The following AQR variants were observed in gnomAD, a reference collection of about 807,000 sequenced individuals.
The protein encoded by AQR is aquarius intron-binding spliceosomal factor.
A neutral mutation model predicts 180.5 loss-of-function variants in AQR; 61 were observed. The ratio of observed to expected loss-of-function variants is 0.34; its 90% CI spans 0.28 to 0.42. AQR has a LOEUF of 0.42. Ranked by LOEUF, AQR falls within the 10% of genes least tolerant of loss-of-function variation. AQR has a pLI of 1.00. For synonymous variants in AQR, 551 were observed against 588.8 expected, an observed-to-expected ratio of 0.94 and a Z score of 0.93; for missense variants, 1,281 against 1,798.3, an observed-to-expected ratio of 0.71 and a Z score of 5.20.
intron 17 of AQR, among the ~76,000 whole-genome samples, chr15:34,907,241 A>T (rs1158626737): frequency 6.6e-6 from 1 of 152,238 alleles, no homozygotes; most frequent in Non-Finnish European, 1.5e-5. Context: ...GGCTGAATAT[A>T]TACAGTTTCA....
intron 25 of AQR, among the ~76,000 whole-genome samples, chr15:34,886,151 T>G (rs1164028150): frequency 6.6e-6 from 1 of 152,188 alleles, no homozygotes; most frequent in East Asian, 1.9e-4. Flanking sequence ...TTTCCTTCAT[T>G]AGTTGATTAA....
chr15:34,956,478 C>T (rs912833848), intron 3 of AQR, among the ~76,000 whole-genome samples: 3 of 152,008 alleles, frequency 2.0e-5, no homozygotes, highest in Admixed American at 2.0e-4. Flanking sequence ...TGGTGAAACA[C>T]TTTCTCTACT....
intron 13 of AQR, among the ~76,000 whole-genome samples, chr15:34,924,998 C>T (rs1350574103): frequency 2.0e-5 from 3 of 149,772 alleles, no homozygotes; most frequent in African/African-American, 7.3e-5. Flanking sequence ...AGAAGGACTT[C>T]TACATAAAGC....
At chr15:34,911,056 T>C (rs1172701950) in intron 16 of AQR, among the ~76,000 whole-genome samples, 1 of 152,240 alleles carries the variant, frequency 6.6e-6, no homozygotes, top group African/African-American at 2.4e-5. Context: ...TCTGGCTTAA[T>C]ACATTTAGCA....
At chr15:34,880,795 T>C (rs1189950801) in intron 27 of AQR, among the ~76,000 whole-genome samples, 1 of 152,086 alleles carries the variant, frequency 6.6e-6, no homozygotes, top group Non-Finnish European at 1.5e-5. Flanking sequence ...ATGCCTAAAA[T>C]GGAAATTTAC....
At chr15:34,892,607 C>G (rs73391762) in intron 23 of AQR, among the ~76,000 whole-genome samples, 5,154 of 152,234 alleles carry the variant, frequency 0.034, 320 homozygotes, top group African/African-American at 0.12. Flanking sequence ...GCAGATACTC[C>G]TCAACTTACA....
At chr15:34,928,105 G>A (rs1893792448) in intron 12 of AQR, among the ~76,000 whole-genome samples, 1 of 152,116 alleles carries the variant, frequency 6.6e-6, no homozygotes, top group Non-Finnish European at 1.5e-5. Flanking sequence ...AAAAAAGCAG[G>A]AAAAGACATC....
chr15:34,865,841 T>C (rs1004426373), intron 32 of AQR, among the ~76,000 whole-genome samples: 4 of 152,132 alleles, frequency 2.6e-5, no homozygotes, highest in Admixed American at 1.3e-4. Context: ...ATATTAAGTG[T>C]CCAAAATAGG....
At chr15:34,933,840 G>A (rs1039854608) in intron 10 of AQR, among the ~76,000 whole-genome samples, 4 of 152,160 alleles carry the variant, frequency 2.6e-5, no homozygotes, top group South Asian at 2.1e-4. Flanking sequence ...GACCAGGCAC[G>A]GTGGCTCACG....
chr15:34,956,696 G>GAAAAAAAAAAAAAAAAAAAAAAAA, intron 3 of AQR, among the ~76,000 whole-genome samples: 1 of 83,370 alleles, frequency 1.2e-5, no homozygotes, highest in Non-Finnish European at 2.2e-5. Flanking sequence ...TAAGAAGTCA[G>GAAAAAAAAAAAAAAAAAAAAAAAA]AAAAAAAAAA....
chr15:34,882,459 T>G (rs774271161), intron 27 of AQR, 43 bp downstream of exon 27: 3 of 1,251,412 alleles, frequency 2.4e-6, no homozygotes, highest in Non-Finnish European at 3.1e-6. Flanking sequence ...CAATCTCTGA[T>G]AATCTTAAAA....
intron 27 of AQR, among the ~76,000 whole-genome samples, chr15:34,880,322 A>G (rs1233923092): frequency 2.0e-5 from 3 of 152,238 alleles, no homozygotes; most frequent in African/African-American, 7.2e-5. Context: ...TACAGAAGAG[A>G]AAGACACAGA....
intron 1 of AQR, among the ~76,000 whole-genome samples, chr15:34,965,087 T>G (rs192297023): frequency 1.1e-3 from 175 of 152,346 alleles, no homozygotes; most frequent in Admixed American, 1.8e-3. Context: ...TCTGAAATGT[T>G]ACTTCTGTGA....
intron 30 of AQR, 77 bp from the exon 31 acceptor site, chr15:34,870,999 T>A (rs1892808398): frequency 6.9e-7 from 1 of 1,439,218 alleles, no homozygotes; most frequent in South Asian, 1.3e-5. Context: ...CTCATCTAGA[T>A]AAGCAAAACT....
At position 34,945,093 on chromosome 15, in the gene AQR, A is replaced by G. The variant is rs114647171; in HGVS notation, c.331-665T>C. 6.8e-3 allele frequency among the ~76,000 whole-genome samples: 1,031 copies of G among 152,314 alleles called. 13 individuals carry two copies. Among genetic ancestry groups the G allele is most frequent in the African/African-American group, 0.022 (932 of 41,562 alleles). On this transcript the variant is annotated intron_variant, in intron 5 of 34. Coordinates refer to ENST00000156471, the MANE Select transcript of AQR (RefSeq NM_014691.3). Reference sequence around the variant, plus strand: ...TCTTTTGCCTGTTATCTAAACCGCAATATTCGTAGGGTTCTAGCCTCATTC... The same window carrying G: ...TCTTTTGCCTGTTATCTAAACCGCAGTATTCGTAGGGTTCTAGCCTCATTC...
rs1892596191 is a variant in AQR at position 34,857,002 on chromosome 15, G to A, written c.4248C>T (p.Asp1416=). Reference sequence around the variant, plus strand: ...TGGTGTCTGTTGGACTGGGTATGATGTCAGCTTGAACAGTCATGGCCTCTT... The same window carrying A: ...TGGTGTCTGTTGGACTGGGTATGATATCAGCTTGAACAGTCATGGCCTCTT... ...TEEEAMTVQA[D]IIPSPTDTSC... The change falls in exon 35 of 35, where the codon GAC becomes GAT. Residue 1416 remains aspartate, a synonymous_variant. Coordinates refer to ENST00000156471, the MANE Select transcript of AQR (RefSeq NM_014691.3). 6.2e-7 allele frequency: 1 copy of A among 1,613,898 alleles called. No homozygotes were observed. Among genetic ancestry groups the A allele is most frequent in the African/African-American group, 1.3e-5 (1 of 74,840 alleles).
intron 10 of AQR, among the ~76,000 whole-genome samples, chr15:34,933,037 A>G (rs1224468223): frequency 6.6e-6 from 1 of 152,210 alleles, no homozygotes; most frequent in Non-Finnish European, 1.5e-5. Context: ...AAAATCCTAC[A>G]TAAAATCCCA....
chr15:34,919,170 C>T (rs575975698), intron 14 of AQR, among the ~76,000 whole-genome samples: 26 of 147,700 alleles, frequency 1.8e-4, no homozygotes, highest in Non-Finnish European at 3.3e-4. Flanking sequence ...ACCCGGGAGG[C>T]GGAAGTTGCA....
Position 34,969,600 on chromosome 15 carries a change from G to GCAGGGGCTGCC in AQR, c.3_13dup (p.Ala5GlyfsTer23). The GCAGGGGCTGCC allele has an allele frequency of 6.2e-7, 1 of 1,613,324 alleles. No individual in the cohort carries two copies. Among genetic ancestry groups the GCAGGGGCTGCC allele is most frequent in the Non-Finnish European group, 8.5e-7 (1 of 1,179,996 alleles). Reference sequence around the variant, plus strand: ...AGGGGCCACGATCTTCTTGGGCTGCGCAGGGGCTGCCATGGCAGCACTCTT... The same window carrying GCAGGGGCTGCC: ...AGGGGCCACGATCTTCTTGGGCTGCGCAGGGGCTGCCCAGGGGCTGCCATGGCAGCACTCTT... On this transcript the variant is annotated frameshift_variant, in exon 1 of 35. Coordinates refer to ENST00000156471, the MANE Select transcript of AQR (RefSeq NM_014691.3). LOFTEE classifies it high-confidence loss of function.
Sources: gnomAD v4.1 joint callset for allele counts (sites outside exome capture counted in the v4.1 genomes callset) on GRCh38, gnomAD v4.1.1 for gene constraint, MANE v1.5 for transcripts, NCBI Gene and HGNC (gene_info 2026-07-23, HGNC 2026-07-21) for gene names.